Variants in BAG6 observed in about 807,000 individuals in gnomAD.
The protein encoded by BAG6 is large proline-rich protein BAG6.
BAG6 carries 22 observed loss-of-function variants against 121.0 expected under a neutral mutation model. The observed-to-expected ratio is 0.18, with a 90% CI of 0.13 to 0.26. The LOEUF (loss-of-function observed/expected upper bound fraction) is 0.26, where lower values mean the gene tolerates loss of function less well. BAG6 is among the 10% of genes least tolerant of loss of function. The probability of loss-of-function intolerance (pLI) is 1.00; values close to 1 mark genes in which losing one functional copy is unlikely to be tolerated. For synonymous variants in BAG6, 583 were observed against 584.6 expected, an observed-to-expected ratio of 1.00 and a Z score of 0.04; for missense variants, 1,233 against 1,537.7, an observed-to-expected ratio of 0.80 and a Z score of 3.31.
rs1188473598 is a variant in BAG6, at chr6:31,646,772, T to TG, written c.789-250_789-249insC. 5.5e-5 allele frequency among the ~76,000 whole-genome samples: 7 copies of TG among 127,066 alleles called. No homozygotes were observed. In the East Asian group the frequency reaches 9.1e-4, roughly 16 times the overall value. 83.4% of individuals were successfully genotyped at this position (127,066 alleles called of 152,430 possible). A position where few individuals can be genotyped will look rare whatever the true frequency, so the allele number is the denominator to read the frequency against. ...CCACACCCGGCTAATTTTTGTTTTT[T>TG]TTTTTTTTTTTTTTTTTTTGAGACA... On this transcript the variant is annotated intron_variant, in intron 7 of 25. Transcript: ENST00000676615.
Position 31,644,870 on chromosome 6 carries a change from C to G in BAG6, c.1369+76G>C. The G allele has an allele frequency of 1.3e-6, 2 of 1,533,950 alleles. No homozygotes were observed. The highest frequency in any genetic ancestry group is 1.8e-6 in the Non-Finnish European group (2 of 1,141,184). On this transcript the variant is annotated intron_variant, in intron 10 of 25. Coordinates refer to ENST00000676615, the MANE Select transcript of BAG6 (RefSeq NM_001387994.1). The surrounding 1 kb of genome is among the most constrained non-coding windows in gnomAD (Gnocchi z 4.9). ...CCAGCATGTGCCTCTCCCTTCCCCA[C>G]CCTGTTCCCTCACACCTCAGCATGA... is the stretch of plus-strand genomic sequence containing the variant.
At chr6:31,639,838 T>C in intron 24 of BAG6, 192 bp from the exon 25 acceptor site, 1 of 744,724 alleles carries the variant, frequency 1.3e-6, no homozygotes, top group Non-Finnish European at 2.1e-6. Context: ...TAGCCAAAAC[T>C]AAAGTGAATG....
intron 7 of BAG6, 92 bp downstream of exon 7, chr6:31,647,499 T>A: frequency 1.3e-6 from 2 of 1,569,456 alleles, no homozygotes; most frequent in Non-Finnish European, 8.6e-7. Flanking sequence ...GACCTCCAAG[T>A]AATCCTTTCC....
Position 31,641,911 on chromosome 6 carries a change from C to G in BAG6, c.2370G>C (p.Gln790His). 1 of 1,612,964 alleles carries G rather than the reference C, an allele frequency of 6.2e-7. No homozygotes were observed. Among genetic ancestry groups the G allele is most frequent in the Non-Finnish European group, 8.5e-7 (1 of 1,180,016 alleles). ...FFGALLSLLC[Q>H]NFSMVDVVML... is the part of the protein sequence containing the mutation. ...TCACTACGTCCACCATAGAGAAGTT[C>G]TGGCACAGAAGAGAAAGCAAGGCCC... The change falls in exon 17 of 26, where the codon CAG (glutamine) becomes CAC (histidine). Residue 790 changes from glutamine to histidine, a missense_variant. Gln to His is a conservative substitution (Grantham distance 24, BLOSUM62 0). Coordinates refer to ENST00000676615, the MANE Select transcript of BAG6 (RefSeq NM_001387994.1). This position sits in a 1 kb window ranked among gnomAD's most constrained non-coding sequence, Gnocchi z 5.7.
In BAG6 at chr6:31,652,073, T is replaced by C. The variant is rs1797493282; in HGVS notation, c.-13-297A>G. 4 of 304,558 alleles carry C rather than the reference T, an allele frequency of 1.3e-5. No individual in the cohort carries two copies. The South Asian group carries it at 2.3e-4, about 17-fold the overall frequency. 18.9% of individuals were successfully genotyped at this position (304,558 alleles called of 1,614,324 possible). A position where few individuals can be genotyped will look rare whatever the true frequency, so the allele number is the denominator to read the frequency against. ...GGAAGCACGAGACCAGAGACTAGTG[T>C]CATCACCGGTCACGGCAGGACAAGC... On this transcript the variant is annotated intron_variant, in intron 1 of 25. Transcript: ENST00000676615.
rs1233382184 is a variant in BAG6, at chr6:31,642,000, C to T, written c.2336-55G>A. 14 of 1,602,402 alleles carry T rather than the reference C, an allele frequency of 8.7e-6. No individual in the cohort carries two copies. The highest frequency in any genetic ancestry group is 1.2e-5 in the Non-Finnish European group (14 of 1,173,288). On this transcript the variant is annotated intron_variant, in intron 16 of 25. Transcript: ENST00000676615. The surrounding 1 kb of genome is among the most constrained non-coding windows in gnomAD (Gnocchi z 5.7). Reference sequence around the variant, plus strand: ...GCCTTTACCACCTGGCCTGCCCACCCACAACCAGATCATCAACCTCATCCC... The same window carrying T: ...GCCTTTACCACCTGGCCTGCCCACCTACAACCAGATCATCAACCTCATCCC...
chr6:31,648,487 C>T (rs1263555274), intron 6 of BAG6, among the ~76,000 whole-genome samples, 190 bp downstream of exon 6: 2 of 152,024 alleles, frequency 1.3e-5, no homozygotes, highest in African/African-American at 4.8e-5. Context: ...TACCAGGCAC[C>T]AAGAGGATTG....
chr6:31,643,956 T>C lies in BAG6; in HGVS notation c.1690A>G (p.Asn564Asp). The change falls in exon 14 of 26, where the codon AAT (asparagine) becomes GAT (aspartate). Residue 564 changes from asparagine (N) to aspartate (D), a missense_variant. Physicochemically the swap from Asn to Asp is conservative, Grantham distance 23. Transcript: ENST00000676615. ...GTLQGAGLGT[N>D]ASLAQMVSGL... is the part of the protein sequence containing the mutation. ...CTCACCATCTGGGCCAACGAGGCAT[T>C]GGTACCCAGACCGGCGCCCTGCTGG... The C allele has an allele frequency of 6.2e-7, 1 of 1,613,988 alleles. No individual in the cohort carries two copies. Among genetic ancestry groups the C allele is most frequent in the Non-Finnish European group, 8.5e-7 (1 of 1,180,008 alleles).
Position 31,640,331 on chromosome 6 carries a change from A to G in BAG6, c.3139-25T>C, listed in dbSNP as rs781296203. The G allele has an allele frequency of 6.2e-7, 1 of 1,614,158 alleles. No homozygotes were observed. On this transcript the variant is annotated intron_variant, in intron 23 of 25. Coordinates refer to ENST00000676615, the MANE Select transcript of BAG6 (RefSeq NM_001387994.1). The surrounding 1 kb of genome is among the most constrained non-coding windows in gnomAD (Gnocchi z 4.2). ...CCTGGGGAGGAAAAGAGAAAATAGT[A>G]ATGTCCTTGACTTTCAGCTGCCATG...
Position 31,639,069 on chromosome 6 carries a change from A to C in BAG6, c.*62T>G. ...AGAAAAATCCGACTTTTATTTCTTA[A>C]ATACTGTGAAGGAAGAGGGGGGAAA... On this transcript the variant is annotated 3_prime_UTR_variant, in exon 26 of 26. Transcript: ENST00000676615. 1.4e-6 allele frequency: 2 copies of C among 1,402,830 alleles called. No individual in the cohort carries two copies. The highest frequency in any genetic ancestry group is 2.0e-6 in the Non-Finnish European group (2 of 1,011,614). The allele number at this position is 1,402,830 out of a possible 1,614,324, so 86.9% of individuals were successfully genotyped here.
chr6:31,646,674 A>C, intron 7 of BAG6, 151 bp from the exon 8 acceptor site: 1 of 963,188 alleles, frequency 1.0e-6, no homozygotes, highest in Non-Finnish European at 1.4e-6. Context: ...TATTCTCTTC[A>C]ACCTCCGCCT....
rs746361226 is a variant in BAG6, at chr6:31,639,635, A to C, written c.3258T>G (p.Gly1086=). The C allele has an allele frequency of 8.7e-6, 14 of 1,610,312 alleles. No individual in the cohort carries two copies. The highest frequency in any genetic ancestry group is 1.7e-6 in the Non-Finnish European group (2 of 1,177,816). The change falls in exon 25 of 26, where the codon GGT becomes GGG. Residue 1086 remains glycine, a synonymous_variant. Transcript: ENST00000676615. The part of the protein sequence containing the change: ...MPAKRRKTMQ[G]EGPQLLLSEA... Reference sequence around the variant, plus strand: ...CTGAGAGAAGCAGCTGGGGGCCCTCACCCTGCATCGTCTGGGGGACAGGGG... The same window carrying C: ...CTGAGAGAAGCAGCTGGGGGCCCTCCCCCTGCATCGTCTGGGGGACAGGGG...
chr6:31,647,441 A>C, intron 7 of BAG6, 150 bp downstream of exon 7: 18 of 1,153,632 alleles, frequency 1.6e-5, no homozygotes, highest in Non-Finnish European at 1.9e-5. Context: ...TCATTTACCT[A>C]TACCGAGAGA....
Position 31,645,493 on chromosome 6 carries a change from T to A in BAG6, c.1030A>T (p.Thr344Ser), listed in dbSNP as rs776385379. 1 of 1,613,110 alleles carries A rather than the reference T, an allele frequency of 6.2e-7. No homozygotes were observed. Among genetic ancestry groups the A allele is most frequent in the Admixed American group, 1.7e-5 (1 of 60,030 alleles). Residue 344 changes from threonine to serine, a missense_variant, in exon 9 of 26, where the codon ACG becomes TCG. Physicochemically the swap from Thr to Ser is moderately conservative, Grantham distance 58. Around this residue, in one of 7 missense-constraint regions of BAG6, gnomAD observed 777 missense variants for 861.4 expected, o/e 0.90. Transcript: ENST00000676615. ...LSDLRCNLAC[T>S]PPRHLHVVRP... is the part of the protein sequence containing the mutation. ...ACCACATGCAGGTGTCGTGGGGGCG[T>A]GCAGGCCAGATTGCAGCGCAGGTCA...
chr6:31,639,526 C>T lies in BAG6; in HGVS notation c.3367G>A (p.Glu1123Lys), dbSNP rs775849509. The T allele has an allele frequency of 3.7e-6, 6 of 1,614,148 alleles. No homozygotes were observed. Among genetic ancestry groups the T allele is most frequent in the Non-Finnish European group, 5.1e-6 (6 of 1,179,990 alleles). The change falls in exon 25 of 26, where the codon GAG (glutamate) becomes AAG (lysine). Residue 1123 changes from glutamate (E) to lysine (K), a missense_variant. This residue lies in a region of BAG6 where 102 missense variants were observed against 103.2 expected (regional missense o/e 0.99). Transcript: ENST00000676615. ...ESLSRDLEAP[E>K]VQESYRQQLR... ...TGCTGCCTGTAGCTCTCCTGAACCT[C>T]TGGTGCCTCCAGGTCCCGGCTCAGG...
In BAG6 at chr6:31,643,995, G is replaced by A. The variant is rs765280954; in HGVS notation, c.1669-18C>T. On this transcript the variant is annotated intron_variant, in intron 13 of 25. Coordinates refer to ENST00000676615, the MANE Select transcript of BAG6 (RefSeq NM_001387994.1). ...GCGCCCTGCTGGATAGAGAGCAAGG[G>A]AGAATTTCAGACCTGCCCTTCCATG... 22 of 1,613,986 alleles carry A rather than the reference G, an allele frequency of 1.4e-5. 1 individual carries two copies. The South Asian group carries it at 2.2e-4, about 16-fold the overall frequency.
chr6:31,639,858 G>T, intron 24 of BAG6: 2 of 693,102 alleles, frequency 2.9e-6, no homozygotes, highest in South Asian at 2.0e-5. Flanking sequence ...GTGCTTGAAC[G>T]TGCTCTTCAA....
At position 31,640,311 on chromosome 6, in the gene BAG6, G is replaced by A. The variant is rs1411507272; in HGVS notation, c.3139-5C>T. The A allele has an allele frequency of 5.0e-6, 8 of 1,614,054 alleles. No individual in the cohort carries two copies. The highest frequency in any genetic ancestry group is 1.3e-5 in the African/African-American group (1 of 74,926). On this transcript the variant is annotated splice_region_variant and splice_polypyrimidine_tract_variant and intron_variant, in intron 23 of 25. Transcript: ENST00000676615. This position sits in a 1 kb window ranked among gnomAD's most constrained non-coding sequence, Gnocchi z 4.2. ...CTGGATAATAGGGACCCATTCCTGG[G>A]GAGGAAAAGAGAAAATAGTAATGTC...
chr6:31,642,316 G>A lies in BAG6; in HGVS notation c.2131C>T (p.Pro711Ser). The A allele has an allele frequency of 1.9e-6, 3 of 1,565,100 alleles. No homozygotes were observed. The highest frequency in any genetic ancestry group is 2.6e-6 in the Non-Finnish European group (3 of 1,155,932). Residue 711 changes from proline to serine, a missense_variant, in exon 16 of 26, where the codon CCT becomes TCT. Pro to Ser is a moderately conservative substitution (Grantham distance 74, BLOSUM62 -1). Transcript: ENST00000676615. ...CCAGGACTCCCTGCGCCACCAGAAG[G>A]GGAGCCTGGTGGGGGCATGGTCTGC... ...EQQTMPPPGS[P>S]SGGAGSPGGL...
Sources: allele counts gnomAD v4.1 joint callset (sites outside exome capture counted in the v4.1 genomes callset), GRCh38; gene constraint gnomAD v4.1.1; regional missense constraint gnomAD v4.1.1; non-coding constraint Gnocchi (gnomAD v3.1); transcripts MANE v1.5; gene names NCBI Gene and HGNC (gene_info 2026-07-23, HGNC 2026-07-21).